WDR7: variants seen among roughly 807,000 people sequenced by gnomAD.
WDR7 encodes the protein WD repeat-containing protein 7.
A neutral mutation model predicts 169.4 loss-of-function variants in WDR7; 46 were observed. The observed-to-expected ratio is 0.27, with a 90% CI of 0.21 to 0.35. The LOEUF is 0.35. Among genes scored for constraint, WDR7 ranks in the 10% least tolerant of loss-of-function variants. The pLI is 1.00. For synonymous variants in WDR7, 612 were observed against 666.8 expected, an observed-to-expected ratio of 0.92 and a Z score of 1.27; for missense variants, 1,534 against 1,859.3, an observed-to-expected ratio of 0.83 and a Z score of 3.22.
At chr18:57,026,338 A>C (rs2048366207) in intron 27 of WDR7, among the ~76,000 whole-genome samples, 2 of 152,276 alleles carry the variant, frequency 1.3e-5, no homozygotes, top group South Asian at 4.1e-4. Context: ...ATAAAATATT[A>C]ACAGCAGACT....
chr18:56,693,726 C>T (rs1394263382), intron 9 of WDR7, among the ~76,000 whole-genome samples: 3 of 151,876 alleles, frequency 2.0e-5, no homozygotes, highest in East Asian at 1.9e-4. Context: ...CACGCACCAC[C>T]ACACCTGGCT....
rs1027624900 is a variant in WDR7, at chr18:57,028,998, A to C, written c.*1791A>C. ...TAGAGAAATGTAAGGTAAAAGGCTCACTTTGTTTTCCAGTGGGTCCAGAGT... is the reference window on the plus strand; with the variant it reads ...TAGAGAAATGTAAGGTAAAAGGCTCCCTTTGTTTTCCAGTGGGTCCAGAGT... On this transcript the variant is annotated 3_prime_UTR_variant, in exon 28 of 28. Transcript: ENST00000254442. 1 of 152,688 alleles carries C rather than the reference A, an allele frequency of 6.5e-6. No individual in the cohort carries two copies. The highest frequency in any genetic ancestry group is 1.5e-5 in the Non-Finnish European group (1 of 68,048). The allele number at this position is 152,688 out of a possible 1,614,324, so 9.5% of individuals were successfully genotyped here.
chr18:56,666,967 A>C (rs2025038993), intron 1 of WDR7, among the ~76,000 whole-genome samples: 1 of 151,990 alleles, frequency 6.6e-6, no homozygotes, highest in African/African-American at 2.4e-5. Flanking sequence ...AAAGCAAAAC[A>C]GCAGGAGACA....
chr18:56,769,960 G>A (rs116916576), intron 16 of WDR7, among the ~76,000 whole-genome samples: 2,010 of 152,076 alleles, frequency 0.013, 21 homozygotes, highest in East Asian at 0.033. Flanking sequence ...GATTTGCTGT[G>A]GAAGCTCAAA....
At chr18:56,865,624 A>G (rs1599112239) in intron 20 of WDR7, among the ~76,000 whole-genome samples, 2 of 152,240 alleles carry the variant, frequency 1.3e-5, no homozygotes, top group Admixed American at 1.3e-4. Flanking sequence ...TATTGACCAT[A>G]TATTGTATTT....
chr18:56,760,785 T>C (rs944573674), intron 16 of WDR7, among the ~76,000 whole-genome samples: 1 of 152,330 alleles, frequency 6.6e-6, no homozygotes, highest in African/African-American at 2.4e-5. Context: ...TCACAATGGC[T>C]AAAGTGAAAA....
At chr18:56,690,021 A>G (rs2025530429) in intron 7 of WDR7, among the ~76,000 whole-genome samples, 1 of 152,290 alleles carries the variant, frequency 6.6e-6, no homozygotes, top group South Asian at 2.1e-4. Context: ...AAAGTAAAAT[A>G]AAACCTCTGA....
intron 21 of WDR7, among the ~76,000 whole-genome samples, chr18:56,894,273 C>T (rs1233801331): frequency 6.6e-6 from 1 of 151,980 alleles, no homozygotes; most frequent in Non-Finnish European, 1.5e-5. Context: ...TAATGTGGAT[C>T]ACATCCATGT....
chr18:56,675,995 A>G (rs942635257), intron 2 of WDR7, among the ~76,000 whole-genome samples: 3 of 151,878 alleles, frequency 2.0e-5, no homozygotes, highest in African/African-American at 7.3e-5. Flanking sequence ...CTATTATTGT[A>G]TTGGGGCCTA....
At chr18:56,684,748 G>A (rs2025412500) in intron 5 of WDR7, among the ~76,000 whole-genome samples, 1 of 148,548 alleles carries the variant, frequency 6.7e-6, no homozygotes, top group Non-Finnish European at 1.5e-5. Context: ...TCAAAAAGGT[G>A]GGATCTCTGG....
At chr18:56,833,069 A>G (rs1442253478) in intron 20 of WDR7, among the ~76,000 whole-genome samples, 1 of 152,004 alleles carries the variant, frequency 6.6e-6, no homozygotes, top group East Asian at 1.9e-4. Context: ...CTAACCCAAT[A>G]CAAGGAAGCT....
intron 26 of WDR7, among the ~76,000 whole-genome samples, chr18:56,989,972 T>C (rs1177865286): frequency 6.6e-6 from 1 of 152,238 alleles, no homozygotes; most frequent in Non-Finnish European, 1.5e-5. Flanking sequence ...AACAGGACCA[T>C]GTAAAACTAA....
chr18:56,691,710 T>C lies in WDR7; in HGVS notation c.864-5T>C, dbSNP rs767768251. 14 of 1,606,002 alleles carry C rather than the reference T, an allele frequency of 8.7e-6. No homozygotes were observed. The Middle Eastern group carries it at 9.6e-4, about 111-fold the overall frequency. On this transcript the variant is annotated splice_polypyrimidine_tract_variant and splice_region_variant and intron_variant, in intron 8 of 27. Coordinates refer to ENST00000254442, the MANE Select transcript of WDR7 (RefSeq NM_015285.3). ...AATTGAATATTGTATTTTTCCCATA[T>C]TCAGTTGCCTTCCAGCTAGTGATTC... is the stretch of plus-strand genomic sequence containing the variant.
chr18:56,844,010 A>G (rs2045528190), intron 20 of WDR7, among the ~76,000 whole-genome samples: 1 of 151,588 alleles, frequency 6.6e-6, no homozygotes, highest in African/African-American at 2.4e-5. Context: ...TTATAGGCAT[A>G]CACCACCACG....
intron 21 of WDR7, among the ~76,000 whole-genome samples, chr18:56,913,237 T>A (rs1320180764): frequency 6.6e-6 from 1 of 152,142 alleles, no homozygotes; most frequent in Non-Finnish European, 1.5e-5. Flanking sequence ...GTGACTTAGC[T>A]GACACCCACC....
chr18:56,672,750 G>T, intron 2 of WDR7, 76 bp downstream of exon 2: 1 of 1,316,800 alleles, frequency 7.6e-7, no homozygotes. Flanking sequence ...GTCCCCAAAT[G>T]ATGCTTTTGG....
rs781486813 is a variant in WDR7, at chr18:56,924,116, T to G, written c.3713+8T>G. ...CGAGAAACAACTTGCCAAGTATGTG[T>G]GGATTCCGGTTAATTTAATTTGTCA... On this transcript the variant is annotated splice_region_variant and intron_variant, in intron 22 of 27. Transcript: ENST00000254442. 2 of 1,608,110 alleles carry G rather than the reference T, an allele frequency of 1.2e-6. No homozygotes were observed. Among genetic ancestry groups the G allele is most frequent in the South Asian group, 1.1e-5 (1 of 88,930 alleles).
chr18:56,923,429 A>C (rs547328905), intron 21 of WDR7, among the ~76,000 whole-genome samples: 1 of 152,350 alleles, frequency 6.6e-6, no homozygotes, highest in South Asian at 2.1e-4. Context: ...AGGAAAATAG[A>C]TGCTTTAGGA....
At chr18:56,678,803 G>C (rs1292212439) in intron 2 of WDR7, among the ~76,000 whole-genome samples, 5 of 152,104 alleles carry the variant, frequency 3.3e-5, no homozygotes, top group African/African-American at 1.2e-4. Context: ...CAGCACTGTG[G>C]TTCTTGCAGA....
Sources: gnomAD v4.1 joint callset for allele counts (sites outside exome capture counted in the v4.1 genomes callset) on GRCh38, gnomAD v4.1.1 for gene constraint, MANE v1.5 for transcripts, NCBI Gene and HGNC (gene_info 2026-07-23, HGNC 2026-07-21) for gene names.